Variants in CREB5 observed in about 807,000 individuals in gnomAD.
The protein encoded by CREB5 is cyclic AMP-responsive element-binding protein 5.
In CREB5, 19 loss-of-function variants were observed where a neutral mutation model predicts 57.1. The observed-to-expected ratio is 0.33, with a 90% CI of 0.23 to 0.49. The LOEUF (loss-of-function observed/expected upper bound fraction) is 0.49. Ranked by LOEUF, CREB5 falls within the 20% of genes least tolerant of loss-of-function variation. The probability of loss-of-function intolerance (pLI) is 0.99; values close to 1 mark genes in which losing one functional copy is unlikely to be tolerated. For synonymous variants in CREB5, 238 were observed against 238.3 expected (o/e 1.00, Z 0.01); for missense variants, 579 against 671.6 (o/e 0.86, Z 1.52).
At chr7:28,665,325 GA>G (rs1471635584) in intron 5 of CREB5, among the ~76,000 whole-genome samples, 1 of 152,100 alleles carries the variant, frequency 6.6e-6, no homozygotes, top group Admixed American at 6.5e-5. Flanking sequence ...AACCTGATTA[GA>G]AAACTCTGCT....
At chr7:28,693,427 G>A (rs375847010) in intron 5 of CREB5, among the ~76,000 whole-genome samples, 98 of 152,254 alleles carry the variant, frequency 6.4e-4, no homozygotes, top group East Asian at 2.9e-3. Flanking sequence ...GTGCTGACAC[G>A]GCAGACAGTC....
In CREB5 at chr7:28,642,784, G is replaced by A. The variant is rs1303098525; in HGVS notation, c.464+72247G>A. On this transcript the variant is annotated intron_variant, in intron 5 of 10. Coordinates refer to ENST00000357727, the MANE Select transcript of CREB5 (RefSeq NM_182898.4). ...CCTAGCTGACTAAACTGTCCATCGT[G>A]AATTTTTGCATGCGATCAGAGTACA... 2.0e-5 allele frequency among the ~76,000 whole-genome samples: 3 copies of A among 152,100 alleles called. No individual in the cohort carries two copies. The East Asian group carries it at 5.8e-4, about 29-fold the overall frequency.
At chr7:28,322,378 G>A (rs1785508972) in intron 1 of CREB5, among the ~76,000 whole-genome samples, 1 of 152,064 alleles carries the variant, frequency 6.6e-6, no homozygotes. Context: ...CATTTAGCAA[G>A]CTGAGATATT....
chr7:28,783,850 A>G (rs1294384058), intron 7 of CREB5, among the ~76,000 whole-genome samples: 1 of 152,206 alleles, frequency 6.6e-6, no homozygotes, highest in Non-Finnish European at 1.5e-5. Flanking sequence ...TAAACTTCTC[A>G]TAGATTTTCT....
At chr7:28,811,840 C>A (rs140190212) in intron 9 of CREB5, among the ~76,000 whole-genome samples, 1 of 152,228 alleles carries the variant, frequency 6.6e-6, no homozygotes, top group East Asian at 1.9e-4. Context: ...TATATGTGAA[C>A]CTAGTAAATA....
chr7:28,719,804 G>A (rs1194266950), intron 6 of CREB5, among the ~76,000 whole-genome samples: 1 of 152,208 alleles, frequency 6.6e-6, no homozygotes, highest in African/African-American at 2.4e-5. Context: ...GCTCTCGCCT[G>A]TAATCCCAGC....
At chr7:28,454,204 C>T (rs975973937) in intron 1 of CREB5, among the ~76,000 whole-genome samples, 15 of 152,138 alleles carry the variant, frequency 9.9e-5, no homozygotes, top group East Asian at 1.9e-4. Flanking sequence ...CTGCCTGCCT[C>T]GGCCTCCCAA....
At chr7:28,509,475 C>T (rs121208) in intron 4 of CREB5, among the ~76,000 whole-genome samples, 150,568 of 152,328 alleles carry the variant, frequency 0.99, 74,419 homozygotes, top group East Asian at 1. Flanking sequence ...CTTTGACTGC[C>T]AGGTTAACAC....
intron 9 of CREB5, among the ~76,000 whole-genome samples, chr7:28,817,429 C>A (rs1306175724): frequency 6.6e-6 from 1 of 152,078 alleles, no homozygotes; most frequent in Non-Finnish European, 1.5e-5. Context: ...TTCAGATATT[C>A]TTTTTAGATT....
chr7:28,379,257 A>G (rs1350374614), intron 1 of CREB5, among the ~76,000 whole-genome samples: 1 of 152,252 alleles, frequency 6.6e-6, no homozygotes, highest in East Asian at 1.9e-4. Flanking sequence ...GTAAAGTTAC[A>G]GGATAACAGG....
chr7:28,560,823 C>CGTGTGTGTGTGCGTGCGT (rs1442862711), intron 4 of CREB5, among the ~76,000 whole-genome samples: 9 of 34,478 alleles, frequency 2.6e-4, no homozygotes, highest in South Asian at 1.4e-3. Flanking sequence ...TGTGTGTGTG[C>CGTGTGTGTGTGCGTGCGT]GCGCGCGCGC....
At chr7:28,531,801 T>G (rs1437339714) in intron 4 of CREB5, among the ~76,000 whole-genome samples, 1 of 151,952 alleles carries the variant, frequency 6.6e-6, no homozygotes, top group Non-Finnish European at 1.5e-5. Context: ...GAGGCTGAGG[T>G]GGGCAGATCA....
At chr7:28,574,141 C>T (rs75068821) in intron 5 of CREB5, among the ~76,000 whole-genome samples, 2,819 of 152,182 alleles carry the variant, frequency 0.019, 98 homozygotes, top group African/African-American at 0.065. Context: ...TTGATGGTAG[C>T]GTTTTCAGAG....
At chr7:28,727,296 G>T (rs1235934187) in intron 7 of CREB5, among the ~76,000 whole-genome samples, 1 of 152,126 alleles carries the variant, frequency 6.6e-6, no homozygotes, top group Non-Finnish European at 1.5e-5. Context: ...AGCAGACTCA[G>T]AGCTCTGAGA....
At chr7:28,476,827 A>G (rs1467798417) in intron 1 of CREB5, among the ~76,000 whole-genome samples, 1 of 152,212 alleles carries the variant, frequency 6.6e-6, no homozygotes, top group Non-Finnish European at 1.5e-5. Flanking sequence ...AGAGGAGATG[A>G]TATGATATTT....
At chr7:28,767,620 G>C (rs1363485118) in intron 7 of CREB5, among the ~76,000 whole-genome samples, 1 of 152,156 alleles carries the variant, frequency 6.6e-6, no homozygotes, top group Non-Finnish European at 1.5e-5. Flanking sequence ...CATGGAGTGG[G>C]AATGGGGAGA....
Position 28,348,408 on chromosome 7 carries a change from T to TCTCACACACA in CREB5, c.-25+48968_-25+48969insTCACACACAC, listed in dbSNP as rs1376338798. 2.1e-3 allele frequency among the ~76,000 whole-genome samples: 243 copies of TCTCACACACA among 118,244 alleles called. 1 individual carries two copies. The highest frequency in any genetic ancestry group is 7.2e-3 in the African/African-American group (230 of 31,726). The allele number at this position is 118,244 out of a possible 152,430, so 77.6% of individuals were successfully genotyped here. A position where few individuals can be genotyped will look rare whatever the true frequency, so the allele number is the denominator to read the frequency against. ...GTCTCTCTCTCTCTGTCTCTCTCTC[T>TCTCACACACA]CACACACACACACACACACACACAC... On this transcript the variant is annotated intron_variant, in intron 1 of 9. Transcript: ENST00000396299.
intron 1 of CREB5, among the ~76,000 whole-genome samples, chr7:28,376,773 G>A (rs150509573): frequency 0.017 from 2,617 of 152,250 alleles, 35 homozygotes; most frequent in Non-Finnish European, 0.027. Flanking sequence ...AATAATATGA[G>A]CTGTCTTCTT....
At chr7:28,669,613 A>C (rs1799952350) in intron 5 of CREB5, among the ~76,000 whole-genome samples, 1 of 152,244 alleles carries the variant, frequency 6.6e-6, no homozygotes, top group African/African-American at 2.4e-5. Flanking sequence ...AAATAAAAAG[A>C]AACAGCAACA....
Sources: allele counts gnomAD v4.1 joint callset (sites outside exome capture counted in the v4.1 genomes callset), GRCh38; gene constraint gnomAD v4.1.1; transcripts MANE v1.5; gene names NCBI Gene and HGNC (gene_info 2026-07-23, HGNC 2026-07-21).